PDZRN4: variants seen among roughly 807,000 people sequenced by gnomAD.
PDZRN4 encodes PDZ domain containing ring finger 4.
A neutral mutation model predicts 99.0 loss-of-function variants in PDZRN4; 70 were observed. The observed-to-expected ratio is 0.71, with a 90% CI of 0.58 to 0.86. The LOEUF (loss-of-function observed/expected upper bound fraction) is 0.86. Among genes scored for constraint, PDZRN4 ranks in the 40% least tolerant of loss-of-function variants. The pLI is 0.00. For synonymous variants in PDZRN4, 551 were observed against 501.6 expected, an observed-to-expected ratio of 1.10 and a Z score of -1.32; for missense variants, 1,474 against 1,331.2, an observed-to-expected ratio of 1.11 and a Z score of -1.67.
intron 3 of PDZRN4, among the ~76,000 whole-genome samples, chr12:41,360,344 G>C (rs1951955779): frequency 6.6e-6 from 1 of 151,980 alleles, no homozygotes; most frequent in Non-Finnish European, 1.5e-5. Flanking sequence ...TTATAATGGT[G>C]CTGGAAATTC....
At chr12:41,482,910 G>A (rs1937700094) in intron 3 of PDZRN4, among the ~76,000 whole-genome samples, 2 of 151,908 alleles carry the variant, frequency 1.3e-5, no homozygotes, top group African/African-American at 4.8e-5. Context: ...GGTTAGCCCA[G>A]GATCAACCCT....
intron 3 of PDZRN4, among the ~76,000 whole-genome samples, chr12:41,371,901 G>C (rs773725269): frequency 6.6e-6 from 1 of 152,038 alleles, no homozygotes; most frequent in Non-Finnish European, 1.5e-5. Context: ...TGTCTGGCGA[G>C]GCAGCAGGTC....
chr12:41,232,720 G>C (rs1211091214), intron 3 of PDZRN4, among the ~76,000 whole-genome samples: 2 of 152,044 alleles, frequency 1.3e-5, no homozygotes, highest in Non-Finnish European at 2.9e-5. Flanking sequence ...GTTGCTTTTG[G>C]TGTTTTAGAC....
intron 3 of PDZRN4, among the ~76,000 whole-genome samples, chr12:41,310,576 A>G (rs1951599994): frequency 6.6e-6 from 1 of 152,200 alleles, no homozygotes; most frequent in African/African-American, 2.4e-5. Flanking sequence ...TGATGGTTCC[A>G]TTATCACAGC....
At chr12:41,424,394 T>C (rs1454552179) in intron 3 of PDZRN4, among the ~76,000 whole-genome samples, 1 of 152,168 alleles carries the variant, frequency 6.6e-6, no homozygotes, top group Non-Finnish European at 1.5e-5. Context: ...ATTAAACACA[T>C]GATCTGATGA....
intron 3 of PDZRN4, among the ~76,000 whole-genome samples, chr12:41,317,904 G>T (rs140614320): frequency 7.9e-5 from 12 of 152,166 alleles, no homozygotes; most frequent in African/African-American, 2.6e-4. Flanking sequence ...TCTGGGAAAA[G>T]ATAGTAGCAG....
At chr12:41,468,850 G>A (rs1952956716) in intron 3 of PDZRN4, among the ~76,000 whole-genome samples, 4 of 151,788 alleles carry the variant, frequency 2.6e-5, no homozygotes, top group African/African-American at 7.3e-5. Context: ...TTTAATTTTT[G>A]TTACTCAAAT....
intron 3 of PDZRN4, among the ~76,000 whole-genome samples, chr12:41,477,170 T>G (rs1350009898): frequency 6.6e-6 from 1 of 152,196 alleles, no homozygotes; most frequent in African/African-American, 2.4e-5. Flanking sequence ...CAGCTATCTT[T>G]TACATAGGAC....
At chr12:41,244,636 C>CT (rs1951121668) in intron 3 of PDZRN4, among the ~76,000 whole-genome samples, 1 of 151,208 alleles carries the variant, frequency 6.6e-6, no homozygotes, top group Non-Finnish European at 1.5e-5. Context: ...AGGCTTGCCC[C>CT]TGGAAGGCCT....
chr12:41,204,002 G>C (rs918228913), intron 3 of PDZRN4, among the ~76,000 whole-genome samples: 2 of 151,960 alleles, frequency 1.3e-5, no homozygotes, highest in African/African-American at 4.8e-5. Context: ...GGATGCTAAT[G>C]GTTGGGTATC....
intron 3 of PDZRN4, among the ~76,000 whole-genome samples, chr12:41,465,872 T>C (rs1302371618): frequency 6.6e-6 from 1 of 152,232 alleles, no homozygotes; most frequent in Non-Finnish European, 1.5e-5. Flanking sequence ...TCACAAAATA[T>C]ACACATTACT....
intron 3 of PDZRN4, among the ~76,000 whole-genome samples, chr12:41,319,445 A>G (rs1214912045): frequency 6.6e-6 from 1 of 152,088 alleles, no homozygotes; most frequent in Non-Finnish European, 1.5e-5. Context: ...ACAGTCTCAC[A>G]GCCTCCCATG....
intron 3 of PDZRN4, among the ~76,000 whole-genome samples, chr12:41,285,479 A>T (rs553674661): frequency 6.6e-6 from 1 of 152,312 alleles, no homozygotes; most frequent in African/African-American, 2.4e-5. Flanking sequence ...CAGAAATACC[A>T]TTTGACCCAG....
At chr12:41,195,654 T>C (rs1460630901) in intron 3 of PDZRN4, among the ~76,000 whole-genome samples, 1 of 152,220 alleles carries the variant, frequency 6.6e-6, no homozygotes, top group African/African-American at 2.4e-5. Flanking sequence ...TATCAAGATT[T>C]TTATTCTTCC....
chr12:41,330,069 G>A (rs753936950), intron 3 of PDZRN4, among the ~76,000 whole-genome samples: 2 of 151,998 alleles, frequency 1.3e-5, no homozygotes, highest in Admixed American at 6.6e-5. Context: ...AAAATCCTTT[G>A]TTATTTGATT....
chr12:41,563,212 CAGAGTGACACTTCCAT>C (rs1939303492), intron 7 of PDZRN4, among the ~76,000 whole-genome samples: 1 of 152,154 alleles, frequency 6.6e-6, no homozygotes, highest in South Asian at 2.1e-4. Flanking sequence ...ACTATTATCT[CAGAGTGACACTTCCAT>C]TACTCTGAGC....
At chr12:41,400,508 G>C (rs1359015623) in intron 3 of PDZRN4, among the ~76,000 whole-genome samples, 1 of 152,146 alleles carries the variant, frequency 6.6e-6, no homozygotes, top group East Asian at 1.9e-4. Context: ...AGGACCTCAT[G>C]GGTTTGGGTT....
intron 3 of PDZRN4, among the ~76,000 whole-genome samples, chr12:41,295,667 T>C (rs1449988115): frequency 6.6e-6 from 1 of 152,110 alleles, no homozygotes; most frequent in African/African-American, 2.4e-5. Flanking sequence ...CAAAATAAGC[T>C]CATATGAATG....
At chr12:41,195,748 C>T (rs1362759054) in intron 3 of PDZRN4, among the ~76,000 whole-genome samples, 2 of 152,166 alleles carry the variant, frequency 1.3e-5, no homozygotes, top group African/African-American at 4.8e-5. Context: ...GAAACATTCA[C>T]ATGCTGTAGC....
Sources: gnomAD v4.1 joint callset for allele counts (sites outside exome capture counted in the v4.1 genomes callset) on GRCh38, gnomAD v4.1.1 for gene constraint, MANE v1.5 for transcripts, NCBI Gene and HGNC (gene_info 2026-07-23, HGNC 2026-07-21) for gene names.